GLT1D1: variants seen among roughly 807,000 people sequenced by gnomAD.
GLT1D1 encodes the protein glycosyltransferase 1 domain-containing protein 1.
GLT1D1 carries 21 observed loss-of-function variants against 28.7 expected under a neutral mutation model. The observed-to-expected ratio is 0.73, with a 90% confidence interval of 0.52 to 1.05. The LOEUF (loss-of-function observed/expected upper bound fraction) is 1.05. Among genes scored for constraint, GLT1D1 ranks in the 50% least tolerant of loss-of-function variants. GLT1D1 has a pLI of 0.00. For missense variants in GLT1D1, 343 were observed against 330.6 expected, an observed-to-expected ratio of 1.04 and a Z score of -0.29; for synonymous variants, 147 against 124.8, an observed-to-expected ratio of 1.18 and a Z score of -1.19.
intron 1 of GLT1D1, among the ~76,000 whole-genome samples, chr12:128,867,857 C>T (rs967267164): frequency 1.6e-4 from 25 of 152,080 alleles, no homozygotes; most frequent in Non-Finnish European, 3.5e-4. Context: ...GGGCAGAGGT[C>T]AATGGTCTGG....
intron 3 of GLT1D1, among the ~76,000 whole-genome samples, chr12:128,894,413 A>T (rs1869402600): frequency 6.6e-6 from 1 of 152,108 alleles, no homozygotes; most frequent in Admixed American, 6.5e-5. Context: ...ATCTGCAGTA[A>T]TTATTCCTGT....
In GLT1D1 at chr12:128,971,269, A is replaced by T. The variant is rs190352313; in HGVS notation, c.640-11660A>T. On this transcript the variant is annotated intron_variant, in intron 7 of 7. Transcript: ENST00000281703. The stretch of plus-strand genomic sequence containing the variant: ...CCATGTAAATGCTTTTGGCTTAGAA[A>T]TTGTCTTTCTTTTGCCCTCCCTTCC... Among the ~76,000 whole-genome samples the T allele has an allele frequency of 4.5e-4, 68 of 151,260 alleles. 1 individual carries two copies. Among genetic ancestry groups the T allele is most frequent in the African/African-American group, 1.5e-3 (63 of 41,196 alleles).
chr12:128,902,486 C>CAA (rs34061462), intron 4 of GLT1D1, among the ~76,000 whole-genome samples: 4,064 of 131,326 alleles, frequency 0.031, 206 homozygotes, highest in African/African-American at 0.095. Context: ...AATTCTGTCT[C>CAA]AAAAAAAAAA....
In GLT1D1 at chr12:128,972,717, C is replaced by A. The variant is rs186999003; in HGVS notation, c.640-10212C>A. On this transcript the variant is annotated intron_variant, in intron 7 of 7. Coordinates refer to ENST00000281703, the MANE Select transcript of GLT1D1 (RefSeq NM_144669.3). ...AGCAAACTAGGCACAGAGGAGTTAA[C>A]TTCCTCAAGGCCCAGAACCTGGTAA... 1.1e-4 allele frequency among the ~76,000 whole-genome samples: 17 copies of A among 152,306 alleles called. No homozygotes were observed. The East Asian group carries it at 2.7e-3, about 24-fold the overall frequency.
At chr12:128,926,537 G>A in intron 4 of GLT1D1, 83 bp downstream of exon 7, 1 of 702,580 alleles carries the variant, frequency 1.4e-6, no homozygotes, top group Non-Finnish European at 2.5e-6. Context: ...TCAGGGCCCT[G>A]AGTTTTCTTT....
At chr12:128,941,849 G>A (rs1187425594) in intron 4 of GLT1D1, among the ~76,000 whole-genome samples, 1 of 149,124 alleles carries the variant, frequency 6.7e-6, no homozygotes, top group Non-Finnish European at 1.5e-5. Flanking sequence ...AAAATGCTGG[G>A]ATTCCAGGCA....
intron 7 of GLT1D1, among the ~76,000 whole-genome samples, chr12:128,962,150 T>C (rs1421564604): frequency 4.6e-5 from 7 of 151,718 alleles, no homozygotes; most frequent in African/African-American, 1.7e-4. Context: ...CTCGGCCTCC[T>C]GGCACTTGTG....
chr12:128,858,393 C>G (rs906257769), intron 1 of GLT1D1, among the ~76,000 whole-genome samples: 1 of 152,138 alleles, frequency 6.6e-6, no homozygotes, highest in African/African-American at 2.4e-5. Flanking sequence ...GAATTTCTGC[C>G]GGGCCTGGTG....
At chr12:128,887,006 C>T (rs529867537) in intron 2 of GLT1D1, among the ~76,000 whole-genome samples, 31 of 150,712 alleles carry the variant, frequency 2.1e-4, no homozygotes, top group African/African-American at 7.2e-4. Context: ...GTCTCACTCC[C>T]AACCCAGATT....
In GLT1D1 at chr12:128,924,463, A is replaced by T. The variant is rs112017679; in HGVS notation, c.376-20863A>T. On this transcript the variant is annotated intron_variant, in intron 4 of 7. Transcript: ENST00000281703. The stretch of plus-strand genomic sequence containing the variant: ...GAAAAAAAAAGAAAAAGCCTCTTTT[A>T]TTTATTTATTTATTTTTTTGAGACA... 7.6e-3 allele frequency among the ~76,000 whole-genome samples: 1,155 copies of T among 151,252 alleles called. 16 individuals are homozygous for T. The highest frequency in any genetic ancestry group is 0.027 in the African/African-American group (1,103 of 41,346).
chr12:128,957,682 C>G, intron 7 of GLT1D1, 39 bp downstream of exon 11: 1 of 1,261,650 alleles, frequency 7.9e-7, no homozygotes, highest in Non-Finnish European at 1.2e-6. Context: ...CTCACCTTAT[C>G]TGAATAGTTT....
rs533821575 is a variant in GLT1D1, at chr12:128,918,480, T to G, written c.375+19193T>G. Among the ~76,000 whole-genome samples, 31 of 152,240 alleles carry G rather than the reference T, an allele frequency of 2.0e-4. No individual in the cohort carries two copies. The South Asian group carries it at 5.6e-3, about 28-fold the overall frequency. On this transcript the variant is annotated intron_variant, in intron 4 of 7. Transcript: ENST00000281703. ...ACGTATCCTGGAACTTAAAATAAAA[T>G]AAGATAAAATGAAACAAAAAAGACT...
chr12:128,898,823 T>C (rs1415194253), intron 3 of GLT1D1, among the ~76,000 whole-genome samples: 1 of 152,256 alleles, frequency 6.6e-6, no homozygotes, highest in Non-Finnish European at 1.5e-5. Context: ...AGCACCCATG[T>C]GCATTCAGTA....
intron 7 of GLT1D1, among the ~76,000 whole-genome samples, chr12:128,978,546 G>A (rs1484147178): frequency 6.6e-6 from 1 of 152,110 alleles, no homozygotes; most frequent in African/African-American, 2.4e-5. Context: ...TCTCTTCTTA[G>A]AAGGAGGAAA....
intron 4 of GLT1D1, 140 bp downstream of exon 8, chr12:128,927,294 A>AGTG: frequency 1.5e-6 from 1 of 649,774 alleles, no homozygotes; most frequent in Non-Finnish European, 2.6e-6. Context: ...GCTGGAGTGC[A>AGTG]GTGGCGTGAT....
At chr12:128,889,658 T>A (rs1868809595) in intron 3 of GLT1D1, among the ~76,000 whole-genome samples, 1 of 152,230 alleles carries the variant, frequency 6.6e-6, no homozygotes, top group Admixed American at 6.5e-5. Flanking sequence ...CGGAGGCTGT[T>A]GTTCTGGACC....
At chr12:128,937,659 G>A (rs1306749012) in intron 4 of GLT1D1, among the ~76,000 whole-genome samples, 4 of 151,962 alleles carry the variant, frequency 2.6e-5, no homozygotes, top group Non-Finnish European at 5.9e-5. Context: ...TTGCAATCCC[G>A]TGATCTCCAC....
chr12:128,949,170 T>C, intron 6 of GLT1D1, among the ~76,000 whole-genome samples: 1 of 152,238 alleles, frequency 6.6e-6, no homozygotes, highest in East Asian at 1.9e-4. Context: ...TGTAGGTAAA[T>C]ATACATTTTT....
At chr12:128,959,458 T>G (rs559199035) in intron 7 of GLT1D1, among the ~76,000 whole-genome samples, 251 of 10,122 alleles carry the variant, frequency 0.025, no homozygotes, top group Middle Eastern at 0.083. Context: ...GAACGGCGGG[T>G]GGTGGGGGGG....
Sources: allele counts gnomAD v4.1 joint callset (sites outside exome capture counted in the v4.1 genomes callset), GRCh38; gene constraint gnomAD v4.1.1; transcripts MANE v1.5; gene names NCBI Gene and HGNC (gene_info 2026-07-23, HGNC 2026-07-21).